Variants in CEP72 observed in about 807,000 individuals in gnomAD.
CEP72 encodes the protein centrosomal protein 72, also known as centrosomal protein of 72 kDa.
In CEP72, 78 loss-of-function variants were observed where a neutral mutation model predicts 65.7. The observed-to-expected ratio is 1.19, with a 90% CI of 0.99 to 1.43. The LOEUF (loss-of-function observed/expected upper bound fraction) is 1.43. Among genes scored for constraint, CEP72 ranks in the 40% most tolerant of loss-of-function variants. CEP72 has a pLI of 0.00. For synonymous variants in CEP72, 358 were observed against 351.7 expected, an observed-to-expected ratio of 1.02 and a Z score of -0.20; for missense variants, 914 against 832.9, an observed-to-expected ratio of 1.10 and a Z score of -1.20.
chr5:644,193 G>C (rs1471840233), intron 9 of CEP72, 106 bp from the exon 10 acceptor site: 1 of 1,268,352 alleles, frequency 7.9e-7, no homozygotes, highest in Middle Eastern at 2.0e-4. Flanking sequence ...TGACTCCCAA[G>C]TATGCAGAAG....
chr5:675,588 G>A, the CEP72 span, among the ~76,000 whole-genome samples: 1 of 149,076 alleles, frequency 6.7e-6, no homozygotes, highest in African/African-American at 2.5e-5. Context: ...GTGGCCAGGG[G>A]TGCAGCATGG....
downstream of CEP72, chr5:660,567 G>C (rs568809359): frequency 6.6e-6 from 1 of 152,572 alleles, no homozygotes; most frequent in East Asian, 1.9e-4. Context: ...GGTGTGTGCT[G>C]TGGGGTGGGA....
intron 11 of CEP72, among the ~76,000 whole-genome samples, chr5:648,824 T>A (rs1738651001): frequency 8.3e-6 from 1 of 120,358 alleles, no homozygotes; most frequent in African/African-American, 3.4e-5. Context: ...GGTGTGACTG[T>A]GAGGTGTGAC....
At chr5:620,402 T>A (rs895787447) in intron 3 of CEP72, 141 bp downstream of exon 3, 1 of 714,752 alleles carries the variant, frequency 1.4e-6, no homozygotes, top group Non-Finnish European at 2.3e-6. Context: ...CGCTGGTGGC[T>A]TGAGTTCCTG....
Position 635,585 on chromosome 5 carries a change from G to T in CEP72, c.904+1G>T. Reference sequence around the variant, plus strand: ...CACACGTACTTCACCCCACACCCAGGTACTTACGCGTGTCTTAGTCTGTTT... The same window carrying T: ...CACACGTACTTCACCCCACACCCAGTTACTTACGCGTGTCTTAGTCTGTTT... On this transcript the variant is annotated splice_donor_variant, in intron 6 of 11. Coordinates refer to ENST00000264935, the MANE Select transcript of CEP72 (RefSeq NM_018140.4). LOFTEE classifies it high-confidence loss of function. 1 of 1,605,608 alleles carries T rather than the reference G, an allele frequency of 6.2e-7. No homozygotes were observed. The highest frequency in any genetic ancestry group is 1.3e-5 in the African/African-American group (1 of 74,790).
intron 6 of CEP72, among the ~76,000 whole-genome samples, chr5:637,151 C>T (rs186944890): frequency 1.2e-4 from 19 of 152,296 alleles, no homozygotes; most frequent in African/African-American, 4.3e-4. Context: ...CAGAGATGGG[C>T]GTGTGCTTAG....
At chr5:616,554 G>A (rs1736000684) in intron 1 of CEP72, among the ~76,000 whole-genome samples, 1 of 152,148 alleles carries the variant, frequency 6.6e-6, no homozygotes, top group Non-Finnish European at 1.5e-5. Flanking sequence ...TGGGTATGAT[G>A]TCATGAGACT....
intron 3 of CEP72, chr5:665,940 G>A (rs1212803045): frequency 3.3e-5 from 9 of 274,222 alleles, no homozygotes; most frequent in South Asian, 1.4e-4. Flanking sequence ...ACCCCCTCCA[G>A]GCCCCGCCTT....
intron 4 of CEP72, among the ~76,000 whole-genome samples, chr5:628,145 C>T (rs1484604632): frequency 1.3e-5 from 2 of 152,222 alleles, no homozygotes; most frequent in East Asian, 1.9e-4. Flanking sequence ...CCCGCCGGGT[C>T]GTCTTTGTGG....
At chr5:649,903 C>CTG (rs1330514363) in intron 11 of CEP72, among the ~76,000 whole-genome samples, 2 of 88,878 alleles carry the variant, frequency 2.3e-5, no homozygotes, top group African/African-American at 1.0e-4. Flanking sequence ...TGAGGTGTGA[C>CTG]TGAGGTGTGA....
chr5:642,082 C>T, intron 9 of CEP72: 1 of 983,498 alleles, frequency 1.0e-6, no homozygotes, highest in South Asian at 4.7e-5. Flanking sequence ...ACACGTGGTC[C>T]CCCGTCCAGA....
intron 4 of CEP72, among the ~76,000 whole-genome samples, chr5:633,485 G>C (rs1737359963): frequency 4.0e-5 from 6 of 151,880 alleles, no homozygotes; most frequent in Admixed American, 3.9e-4. Flanking sequence ...CCCAGTCCTG[G>C]TGGGGTTCTG....
the CEP72 span, among the ~76,000 whole-genome samples, chr5:672,438 G>A: frequency 3.3e-5 from 5 of 152,272 alleles, no homozygotes; most frequent in Admixed American, 1.3e-4. Flanking sequence ...GCACACAAGC[G>A]TGGGTCCTGG....
downstream of CEP72, among the ~76,000 whole-genome samples, chr5:669,370 G>A (rs574273876): frequency 2.2e-4 from 33 of 152,276 alleles, no homozygotes; most frequent in Middle Eastern, 3.4e-3. Context: ...GCTCGGCGTG[G>A]ACACCCGCAC....
chr5:669,040 AAAG>A (rs1406105510), downstream of CEP72, among the ~76,000 whole-genome samples: 1 of 152,236 alleles, frequency 6.6e-6, no homozygotes, highest in Non-Finnish European at 1.5e-5. Context: ...GCGCTGAGCC[AAAG>A]AAGAAATCGC....
intron 4 of CEP72, chr5:666,198 A>G: frequency 6.5e-7 from 1 of 1,530,770 alleles, no homozygotes; most frequent in Non-Finnish European, 8.8e-7. Flanking sequence ...GGGTCTGAGC[A>G]GAGCTGGACA....
chr5:650,189 G>A (rs1738894241), intron 11 of CEP72, among the ~76,000 whole-genome samples: 1 of 138,428 alleles, frequency 7.2e-6, no homozygotes, highest in Non-Finnish European at 1.6e-5. Flanking sequence ...ACTGAGGTGT[G>A]ACTGTGAGGC....
At chr5:644,225 G>C in intron 9 of CEP72, 74 bp from the exon 10 acceptor site, 1 of 1,528,948 alleles carries the variant, frequency 6.5e-7, no homozygotes, top group Non-Finnish European at 8.9e-7. Context: ...GGATTCTCAG[G>C]TTTCAGTTTT....
At chr5:673,862 A>G in the CEP72 span, among the ~76,000 whole-genome samples, 1 of 152,206 alleles carries the variant, frequency 6.6e-6, no homozygotes, top group Admixed American at 6.5e-5. Flanking sequence ...ACAAGCAGGC[A>G]GGGCTCCCAT....
Sources: gnomAD v4.1 joint callset for allele counts (sites outside exome capture counted in the v4.1 genomes callset) on GRCh38, gnomAD v4.1.1 for gene constraint, MANE v1.5 for transcripts, NCBI Gene and HGNC (gene_info 2026-07-23, HGNC 2026-07-21) for gene names.